KIZ: variants seen among roughly 807,000 people sequenced by gnomAD.
KIZ encodes kizuna centrosomal protein.
A neutral mutation model predicts 79.6 loss-of-function variants in KIZ; 68 were observed. That is an observed-to-expected ratio of 0.85 (90% CI 0.70 to 1.05). KIZ has a LOEUF of 1.05. Among genes scored for constraint, KIZ ranks in the 50% least tolerant of loss-of-function variants. The pLI is 0.00. For missense variants in KIZ, 797 were observed against 800.4 expected, an observed-to-expected ratio of 1.00 and a Z score of 0.05; for synonymous variants, 280 against 281.8, an observed-to-expected ratio of 0.99 and a Z score of 0.06.
rs1208541549 is a variant in KIZ at position 21,177,816 on chromosome 20, C to T, written c.1352+14657C>T. 2.0e-5 allele frequency among the ~76,000 whole-genome samples: 3 copies of T among 152,080 alleles called. 1 individual carries two copies. Among genetic ancestry groups the T allele is most frequent in the South Asian group, 4.2e-4 (2 of 4,818 alleles). Reference sequence around the variant, plus strand: ...ATGGATTTCCAGTTTCTCCCAATACCGTATGTTAAAAGACTGTCCTTTCCT... The same window carrying T: ...ATGGATTTCCAGTTTCTCCCAATACTGTATGTTAAAAGACTGTCCTTTCCT... On this transcript the variant is annotated intron_variant, in intron 6 of 12. Transcript: ENST00000619189.
chr20:21,155,718 A>T (rs2033349048), intron 4 of KIZ, among the ~76,000 whole-genome samples: 1 of 152,226 alleles, frequency 6.6e-6, no homozygotes, highest in Non-Finnish European at 1.5e-5. Flanking sequence ...GGTTTTCAAA[A>T]GTTTAAATTT....
At chr20:21,204,588 C>T (rs908894924) in intron 6 of KIZ, among the ~76,000 whole-genome samples, 3 of 151,970 alleles carry the variant, frequency 2.0e-5, no homozygotes, top group Non-Finnish European at 4.4e-5. Flanking sequence ...TGGGAGCTTC[C>T]TAAGATATCC....
chr20:21,191,596 T>G (rs1192474584), intron 6 of KIZ, among the ~76,000 whole-genome samples: 1 of 152,240 alleles, frequency 6.6e-6, no homozygotes, highest in East Asian at 1.9e-4. Flanking sequence ...AGTGACTGGA[T>G]GCTCATTGAT....
intron 7 of KIZ, among the ~76,000 whole-genome samples, chr20:21,207,978 G>T (rs1344822262): frequency 6.6e-6 from 1 of 152,110 alleles, no homozygotes; most frequent in Non-Finnish European, 1.5e-5. Context: ...GCCTCCCAAA[G>T]TTCTGGGATT....
chr20:21,127,215 C>T (rs1201350441), intron 1 of KIZ, among the ~76,000 whole-genome samples: 1 of 151,868 alleles, frequency 6.6e-6, no homozygotes, highest in Non-Finnish European at 1.5e-5. Context: ...TTTTTTTTAC[C>T]TTGTACTCCT....
chr20:21,157,364 C>T (rs1299751063), intron 4 of KIZ, among the ~76,000 whole-genome samples: 1 of 152,066 alleles, frequency 6.6e-6, no homozygotes, highest in Non-Finnish European at 1.5e-5. Flanking sequence ...TAGTATATTA[C>T]TAGAGTTTGT....
chr20:21,225,416 G>A (rs190313237), intron 9 of KIZ, among the ~76,000 whole-genome samples: 18 of 152,216 alleles, frequency 1.2e-4, no homozygotes, highest in African/African-American at 4.1e-4. Flanking sequence ...TACTAATGGG[G>A]GGAAGTGTTT....
chr20:21,226,065 A>G (rs527983974), intron 9 of KIZ: 1 of 152,250 alleles, frequency 6.6e-6, no homozygotes, highest in South Asian at 2.1e-4. Flanking sequence ...GCTCACTACC[A>G]TCTAGTTTGG....
At chr20:21,183,192 G>A (rs975721434) in intron 6 of KIZ, among the ~76,000 whole-genome samples, 2 of 152,194 alleles carry the variant, frequency 1.3e-5, no homozygotes, top group African/African-American at 2.4e-5. Context: ...TCCTGTGACT[G>A]GTGGGTTAAA....
chr20:21,132,231 A>G (rs1285660052), intron 2 of KIZ, 72 bp downstream of exon 2: 4 of 739,200 alleles, frequency 5.4e-6, no homozygotes, highest in Non-Finnish European at 9.0e-6. Flanking sequence ...CCCTAATGTT[A>G]TGTCATAAAT....
At chr20:21,188,187 C>T (rs2122995770) in intron 6 of KIZ, among the ~76,000 whole-genome samples, 1 of 152,350 alleles carries the variant, frequency 6.6e-6, no homozygotes, top group South Asian at 2.1e-4. Context: ...AAGAAATTCT[C>T]TAACCTACCC....
intron 3 of KIZ, 104 bp downstream of exon 3, chr20:21,136,656 C>A: frequency 1.3e-6 from 1 of 763,290 alleles, no homozygotes; most frequent in Non-Finnish European, 2.0e-6. Context: ...TAGACTTGAA[C>A]ACCTGGGCTC....
At chr20:21,172,580 C>T (rs1473230660) in intron 6 of KIZ, among the ~76,000 whole-genome samples, 3 of 150,444 alleles carry the variant, frequency 2.0e-5, no homozygotes, top group Non-Finnish European at 4.4e-5. Flanking sequence ...GCCTGGGTGA[C>T]AAAGAGAGAC....
At chr20:21,141,823 ACT>A (rs1229173337) in intron 3 of KIZ, among the ~76,000 whole-genome samples, 9,779 of 103,052 alleles carry the variant, frequency 0.095, 304 homozygotes, top group East Asian at 0.22. Flanking sequence ...ACACACACAC[ACT>A]CTCTCTCTCT....
In KIZ at chr20:21,234,110, T is replaced by C. The variant is rs147073556; in HGVS notation, c.1880+1280T>C. ...ATAGAGGCACTAAAAAACTCACTTC[T>C]TCCTAAACAGTCTTTACGTAGGTTC... On this transcript the variant is annotated intron_variant, in intron 11 of 12. Transcript: ENST00000619189. Among the ~76,000 whole-genome samples the C allele has an allele frequency of 2.0e-5, 3 of 152,320 alleles. No individual in the cohort carries two copies. The East Asian group carries it at 5.8e-4, about 29-fold the overall frequency.
intron 6 of KIZ, among the ~76,000 whole-genome samples, chr20:21,168,333 G>C (rs2034049076): frequency 6.6e-6 from 1 of 152,052 alleles, no homozygotes; most frequent in Admixed American, 6.6e-5. Flanking sequence ...TTGGACATTT[G>C]GGTTGGTTCC....
In KIZ at chr20:21,246,618, T is replaced by A; in HGVS notation, c.*42T>A. 8.7e-7 allele frequency: 1 copy of A among 1,144,932 alleles called. No individual in the cohort carries two copies. Among genetic ancestry groups the A allele is most frequent in the Non-Finnish European group, 1.3e-6 (1 of 771,794 alleles). 70.9% of individuals were successfully genotyped at this position (1,144,932 alleles called of 1,614,324 possible). The stretch of plus-strand genomic sequence containing the variant: ...TTTCAAATAAAGTCTTTAAACAAAC[T>A]AAAATCCTGTGTTAATATGTGATGT... On this transcript the variant is annotated 3_prime_UTR_variant, in exon 13 of 13. Coordinates refer to ENST00000619189, the MANE Select transcript of KIZ (RefSeq NM_018474.6).
chr20:21,209,062 T>G (rs1013190871), intron 7 of KIZ, among the ~76,000 whole-genome samples: 11 of 152,296 alleles, frequency 7.2e-5, no homozygotes, highest in Admixed American at 7.2e-4. Flanking sequence ...TCAGAAATAT[T>G]TACTTTGATC....
intron 6 of KIZ, among the ~76,000 whole-genome samples, chr20:21,175,420 C>T (rs1172852779): frequency 2.6e-5 from 4 of 152,276 alleles, no homozygotes; most frequent in South Asian, 4.1e-4. Context: ...AAAGAAGTCT[C>T]CATTGGCCAA....
Sources: allele counts gnomAD v4.1 joint callset (sites outside exome capture counted in the v4.1 genomes callset), GRCh38; gene constraint gnomAD v4.1.1; transcripts MANE v1.5; gene names NCBI Gene and HGNC (gene_info 2026-07-23, HGNC 2026-07-21).